The following AGO2 variants were observed in gnomAD, a reference collection of about 807,000 sequenced individuals.
AGO2 encodes the protein argonaute RISC catalytic component 2.
A neutral mutation model predicts 102.3 loss-of-function variants in AGO2; 5 were observed. That is an observed-to-expected ratio of 0.05 (90% confidence interval 0.03 to 0.10). The LOEUF is 0.10. AGO2 is among the 10% of genes least tolerant of loss of function. The pLI, the probability that AGO2 is intolerant of heterozygous loss-of-function variation, is 1.00. For synonymous variants in AGO2, 449 were observed against 473.1 expected (o/e 0.95, Z 0.66); for missense variants, 541 against 1,183.7 (o/e 0.46, Z 7.97).
intron 1 of AGO2, among the ~76,000 whole-genome samples, chr8:140,603,304 T>C (rs1026995703): frequency 6.6e-6 from 1 of 152,186 alleles, no homozygotes; most frequent in African/African-American, 2.4e-5. Context: ...CACCGGGCTG[T>C]GTTTGCGGAG....
intron 1 of AGO2, among the ~76,000 whole-genome samples, chr8:140,591,430 A>C (rs2073745065): frequency 6.6e-6 from 1 of 152,218 alleles, no homozygotes; most frequent in South Asian, 2.1e-4. Context: ...CCTCCAGATC[A>C]GACTGATGAT....
Position 140,535,510 on chromosome 8 carries a change from G to A in AGO2, c.2229C>T (p.Pro743=). ...TACACAGGTAGAAGTCGAACTCGGT[G>A]GGGTGGGTGATTTTCGTGTCCACAG... ...GTTVDTKITH[P]TEFDFYLCSH... The change falls in exon 17 of 19, where the codon CCC becomes CCT. Residue 743 remains proline (P), a synonymous_variant. Transcript: ENST00000220592. 1.2e-6 allele frequency: 2 copies of A among 1,614,244 alleles called. No homozygotes were observed. Among genetic ancestry groups the A allele is most frequent in the Non-Finnish European group, 8.5e-7 (1 of 1,180,034 alleles).
At chr8:140,565,652 A>AAG (rs2073272076) in intron 3 of AGO2, among the ~76,000 whole-genome samples, 1 of 150,216 alleles carries the variant, frequency 6.7e-6, no homozygotes. Context: ...AAAAAAAAAA[A>AAG]AAGAAGAAGA....
chr8:140,619,623 C>T (rs1265590888), intron 1 of AGO2, among the ~76,000 whole-genome samples: 1 of 152,180 alleles, frequency 6.6e-6, no homozygotes, highest in East Asian at 1.9e-4. Context: ...AGCAGCGATC[C>T]GACTGCACTG....
At chr8:140,565,451 A>C (rs2073267035) in intron 3 of AGO2, among the ~76,000 whole-genome samples, 2 of 149,578 alleles carry the variant, frequency 1.3e-5, no homozygotes, top group Non-Finnish European at 3.0e-5. Flanking sequence ...AAAAAAAAAA[A>C]AACCCAAAAA....
Position 140,558,498 on chromosome 8 carries a change from C to T in AGO2, c.865G>A (p.Ala289Thr). ...AGGGCGTGTTACGTTTGGTGACTGG[C>T]GGGCCGCCGGGTCACATTGCAGACG... is the stretch of plus-strand genomic sequence containing the variant. ...YRVCNVTRRP[A>T]SHQTFPLQQE... The change falls in exon 7 of 19, where the codon GCC (alanine) becomes ACC (threonine). Residue 289 changes from alanine (A) to threonine (T), a missense_variant. Around this residue, in one of 6 missense-constraint regions of AGO2, gnomAD observed 38 missense variants for 68.1 expected, o/e 0.56. Coordinates refer to ENST00000220592, the MANE Select transcript of AGO2 (RefSeq NM_012154.5). 6.2e-7 allele frequency: 1 copy of T among 1,614,202 alleles called. No homozygotes were observed.
At chr8:140,533,223 A>G (rs2944773) in intron 17 of AGO2, among the ~76,000 whole-genome samples, 27,179 of 150,488 alleles carry the variant, frequency 0.18, 4,691 homozygotes, top group African/African-American at 0.46. Context: ...CCCTGTCTCT[A>G]CTAAAAATAC....
intron 16 of AGO2, among the ~76,000 whole-genome samples, chr8:140,538,944 T>TA (rs1051706766): frequency 3.3e-5 from 5 of 149,404 alleles, no homozygotes; most frequent in South Asian, 2.1e-4. Flanking sequence ...CTACAAAAAA[T>TA]AAAAAAAAAA....
chr8:140,552,750 A>G (rs1253599239), intron 10 of AGO2, among the ~76,000 whole-genome samples: 1,750 of 27,402 alleles, frequency 0.064, 11 homozygotes, highest in African/African-American at 0.28. Flanking sequence ...GCACACACAC[A>G]CACACACACA....
At chr8:140,605,048 A>G (rs2073978225) in intron 1 of AGO2, among the ~76,000 whole-genome samples, 1 of 152,182 alleles carries the variant, frequency 6.6e-6, no homozygotes, top group Non-Finnish European at 1.5e-5. Flanking sequence ...GCTATGGCGG[A>G]TACGTTAGAC....
intron 1 of AGO2, among the ~76,000 whole-genome samples, chr8:140,607,442 A>C (rs2074011938): frequency 2.3e-5 from 3 of 132,900 alleles, no homozygotes; most frequent in African/African-American, 5.6e-5. Flanking sequence ...TCTCACCCCC[A>C]CCTCTTAAAG....
intron 2 of AGO2, among the ~76,000 whole-genome samples, chr8:140,574,195 C>T (rs2073430098): frequency 1.3e-5 from 2 of 149,484 alleles, no homozygotes; most frequent in African/African-American, 2.5e-5. Context: ...CTGCAAACCT[C>T]CTGCTGGCCT....
At chr8:140,581,760 G>T (rs1360106460) in intron 2 of AGO2, among the ~76,000 whole-genome samples, 3 of 152,214 alleles carry the variant, frequency 2.0e-5, no homozygotes, top group Non-Finnish European at 4.4e-5. Flanking sequence ...CATGGTTTTA[G>T]TAAGTGCATA....
At chr8:140,591,429 C>T (rs915172142) in intron 1 of AGO2, among the ~76,000 whole-genome samples, 2 of 152,228 alleles carry the variant, frequency 1.3e-5, no homozygotes, top group Admixed American at 6.5e-5. Context: ...GCCTCCAGAT[C>T]AGACTGATGA....
chr8:140,621,228 C>A (rs2074214195), intron 1 of AGO2, among the ~76,000 whole-genome samples: 1 of 152,198 alleles, frequency 6.6e-6, no homozygotes, highest in African/African-American at 2.4e-5. Flanking sequence ...CCTCCTTGGG[C>A]TGGATGATGA....
chr8:140,562,384 C>T lies in AGO2; in HGVS notation c.518+69G>A, dbSNP rs576166544. ...AATGAGCCGTTCCTCGGACAGATTT[C>T]AGACCCTGCGGGGGGCCCTCGGAGC... On this transcript the variant is annotated intron_variant, in intron 4 of 18. Coordinates refer to ENST00000220592, the MANE Select transcript of AGO2 (RefSeq NM_012154.5). 11 of 1,534,682 alleles carry T rather than the reference C, an allele frequency of 7.2e-6. No individual in the cohort carries two copies. The South Asian group carries it at 1.3e-4, about 19-fold the overall frequency.
At chr8:140,574,202 GC>G (rs1588470641) in intron 2 of AGO2, among the ~76,000 whole-genome samples, 1 of 149,558 alleles carries the variant, frequency 6.7e-6, no homozygotes, top group South Asian at 2.1e-4. Flanking sequence ...CCTCCTGCTG[GC>G]CTTCAGCTCT....
chr8:140,592,450 G>C (rs927001445), intron 1 of AGO2: 2 of 152,202 alleles, frequency 1.3e-5, no homozygotes, highest in African/African-American at 4.8e-5. Context: ...AATATAGCAA[G>C]GACTGTGTCT....
At chr8:140,558,342 T>G in intron 7 of AGO2, 143 bp downstream of exon 7, 2 of 840,368 alleles carry the variant, frequency 2.4e-6, no homozygotes, top group South Asian at 3.1e-5. Flanking sequence ...TACTGAGCCA[T>G]GTAAGGGACA....
Sources: gnomAD v4.1 joint callset for allele counts (sites outside exome capture counted in the v4.1 genomes callset) on GRCh38, gnomAD v4.1.1 for gene constraint, gnomAD v4.1.1 regional missense constraint, MANE v1.5 for transcripts, NCBI Gene and HGNC (gene_info 2026-07-23, HGNC 2026-07-21) for gene names.